The following SYN2 variants were observed in gnomAD, a reference collection of about 807,000 sequenced individuals.
SYN2 encodes the protein synapsin II, also known as synapsin-2.
A neutral mutation model predicts 50.9 loss-of-function variants in SYN2; 19 were observed. That is an observed-to-expected ratio of 0.37 (90% CI 0.26 to 0.55). The LOEUF is 0.55. SYN2 is among the 20% of genes least tolerant of loss of function. The pLI is 0.81. For synonymous variants in SYN2, 255 were observed against 224.9 expected (o/e 1.13, Z -1.20); for missense variants, 587 against 576.4 (o/e 1.02, Z -0.19).
intron 9 of SYN2, 134 bp from the exon 10 acceptor site, chr3:12,169,623 C>A: frequency 1.0e-6 from 1 of 958,452 alleles, no homozygotes; most frequent in Non-Finnish European, 1.5e-6. Context: ...ATCACACTTC[C>A]AGCTGAAGAG....
At chr3:12,177,459 C>T (rs918633935) in intron 10 of SYN2, among the ~76,000 whole-genome samples, 1 of 152,136 alleles carries the variant, frequency 6.6e-6, no homozygotes, top group Non-Finnish European at 1.5e-5. Context: ...TGCAAGAAGA[C>T]CAAGCCTAAG....
intron 1 of SYN2, among the ~76,000 whole-genome samples, chr3:12,062,802 T>C (rs771409704): frequency 2.0e-5 from 3 of 152,078 alleles, no homozygotes; most frequent in Non-Finnish European, 4.4e-5. Flanking sequence ...ATAACAACTT[T>C]ATTCATAATC....
At position 12,169,998 on chromosome 3, in the gene SYN2, A is replaced by G; in HGVS notation, c.1308+92A>G. On this transcript the variant is annotated intron_variant, in intron 10 of 12. Coordinates refer to ENST00000621198, the MANE Select transcript of SYN2 (RefSeq NM_133625.6). ...ATGGCTAAAGAATGGAGTACAGGCC[A>G]GATGCCCACAGGCCTAAATGGGATC... 3 of 1,427,840 alleles carry G rather than the reference A, an allele frequency of 2.1e-6. No homozygotes were observed. The South Asian group carries it at 4.3e-5, about 20-fold the overall frequency. The allele number at this position is 1,427,840 out of a possible 1,614,324, so 88.4% of individuals were successfully genotyped here.
intron 5 of SYN2, among the ~76,000 whole-genome samples, chr3:12,160,064 AAAGT>A (rs1325027880): frequency 4.7e-5 from 7 of 149,056 alleles, no homozygotes; most frequent in Non-Finnish European, 1.0e-4. Context: ...AAAAAAAAAA[AAAGT>A]AAAAGAAAAA....
At chr3:12,169,378 A>G (rs1421431313) in intron 9 of SYN2, among the ~76,000 whole-genome samples, 1 of 152,130 alleles carries the variant, frequency 6.6e-6, no homozygotes, top group African/African-American at 2.4e-5. Context: ...ACAGAGATGA[A>G]AAGCACATGC....
chr3:12,030,689 A>T, intron 1 of SYN2, among the ~76,000 whole-genome samples: 1 of 79,362 alleles, frequency 1.3e-5, no homozygotes, highest in African/African-American at 4.6e-5. Context: ...GTATTCTCTG[A>T]TGGTAGTTTG....
chr3:12,160,740 C>T (rs1454182098), intron 5 of SYN2, among the ~76,000 whole-genome samples: 5 of 152,222 alleles, frequency 3.3e-5, no homozygotes, highest in African/African-American at 7.2e-5. Context: ...CTAGAGTACT[C>T]GTCTCCTGAC....
chr3:12,097,608 C>CA (rs35095165), intron 1 of SYN2, among the ~76,000 whole-genome samples: 18,289 of 94,656 alleles, frequency 0.19, 1,978 homozygotes, highest in African/African-American at 0.39. Context: ...TCCATCTCAA[C>CA]AAAAAAAAAA....
At chr3:12,120,499 T>C (rs537627806) in intron 1 of SYN2, among the ~76,000 whole-genome samples, 8 of 152,252 alleles carry the variant, frequency 5.3e-5, no homozygotes, top group African/African-American at 9.6e-5. Flanking sequence ...CCAAGAAGGA[T>C]AGGGAGAGAG....
intron 5 of SYN2, chr3:12,156,747 T>A: frequency 1.6e-6 from 2 of 1,244,962 alleles, no homozygotes; most frequent in Non-Finnish European, 1.2e-6. Flanking sequence ...AGGAAGACCC[T>A]GGCTCCTTTC....
At chr3:12,115,034 C>T (rs891295742) in intron 1 of SYN2, among the ~76,000 whole-genome samples, 2 of 152,104 alleles carry the variant, frequency 1.3e-5, no homozygotes, top group African/African-American at 4.8e-5. Flanking sequence ...TAGATAAATG[C>T]CTTATTACCC....
At chr3:12,189,826 AG>A (rs1179492769) in intron 12 of SYN2, among the ~76,000 whole-genome samples, 7 of 152,112 alleles carry the variant, frequency 4.6e-5, no homozygotes, top group African/African-American at 1.7e-4. Flanking sequence ...ACAAACAAAA[AG>A]AGAACAGGGA....
At chr3:12,137,976 A>G (rs1256421216) in intron 1 of SYN2, among the ~76,000 whole-genome samples, 1 of 152,252 alleles carries the variant, frequency 6.6e-6, no homozygotes, top group Non-Finnish European at 1.5e-5. Flanking sequence ...TCATACAACC[A>G]GGAAAGGGTA....
chr3:12,119,420 C>T (rs949604335), intron 1 of SYN2, among the ~76,000 whole-genome samples: 6 of 152,162 alleles, frequency 3.9e-5, no homozygotes, highest in African/African-American at 1.2e-4. Flanking sequence ...TTTCTGCAAT[C>T]GTAGCAACCT....
intron 1 of SYN2, among the ~76,000 whole-genome samples, chr3:12,066,849 G>T (rs951262986): frequency 1.3e-5 from 2 of 152,082 alleles, no homozygotes; most frequent in African/African-American, 2.4e-5. Flanking sequence ...GCTGGGGGGG[G>T]CCTCAGGAAG....
intron 1 of SYN2, among the ~76,000 whole-genome samples, chr3:12,098,017 G>A (rs1038823264): frequency 1.3e-5 from 2 of 152,002 alleles, no homozygotes; most frequent in East Asian, 3.9e-4. Flanking sequence ...TAAAAAAAAA[G>A]AATTTATTCA....
chr3:12,103,843 G>GA (rs1296070270), intron 1 of SYN2, among the ~76,000 whole-genome samples: 2 of 152,116 alleles, frequency 1.3e-5, no homozygotes, highest in Non-Finnish European at 2.9e-5. Context: ...CAGGGCAAAT[G>GA]AAAAAAGCAC....
chr3:12,037,797 C>G (rs1221540305), intron 1 of SYN2, among the ~76,000 whole-genome samples: 3 of 152,196 alleles, frequency 2.0e-5, no homozygotes. Flanking sequence ...GGGACACACT[C>G]AAACCATAGC....
chr3:12,067,616 GA>G (rs34794670), intron 1 of SYN2, among the ~76,000 whole-genome samples: 53,831 of 130,574 alleles, frequency 0.41, 10,774 homozygotes, highest in Non-Finnish European at 0.51. Flanking sequence ...ATCTTAACCA[GA>G]AAAAAAAAAA....
Sources: gnomAD v4.1 joint callset for allele counts (sites outside exome capture counted in the v4.1 genomes callset) on GRCh38, gnomAD v4.1.1 for gene constraint, MANE v1.5 for transcripts, NCBI Gene and HGNC (gene_info 2026-07-23, HGNC 2026-07-21) for gene names.